TFIP11: variants seen among roughly 807,000 people sequenced by gnomAD.
TFIP11 encodes tuftelin-interacting protein 11.
Under a neutral mutation model 96.8 loss-of-function variants are expected in TFIP11, and 86 were observed. That is an observed-to-expected ratio of 0.89 (90% CI 0.75 to 1.06). The LOEUF is 1.06. TFIP11 is among the 50% of genes least tolerant of loss of function. The pLI is 0.00. For missense variants in TFIP11, 881 were observed against 1,076.7 expected (o/e 0.82, Z 2.54); for synonymous variants, 405 against 395.2 (o/e 1.02, Z -0.29).
intron 10 of TFIP11, 21 bp downstream of exon 10, chr22:26,498,848 G>A (rs1413516234): frequency 1.2e-6 from 2 of 1,602,422 alleles, no homozygotes; most frequent in African/African-American, 1.3e-5. Flanking sequence ...CTGGGGTACA[G>A]AGCCCTGCTC....
At chr22:26,497,601 G>A (rs1922219396) in intron 10 of TFIP11, among the ~76,000 whole-genome samples, 1 of 152,230 alleles carries the variant, frequency 6.6e-6, no homozygotes, top group African/African-American at 2.4e-5. Flanking sequence ...GTCATGGCTG[G>A]GCACGGAGGC....
chr22:26,492,334 A>G lies in TFIP11; in HGVS notation c.2193T>C (p.Ile731=). The change falls in exon 15 of 15, where the codon ATT becomes ATC. Residue 731 remains isoleucine, a synonymous_variant. Coordinates refer to ENST00000407690, the MANE Select transcript of TFIP11 (RefSeq NM_012143.4). ...TCCGCTCCGTGTGGGTGAGATAGGC[A>G]ATGTTCTCCCGTGCTCCTGGCTGCA... The part of the protein sequence containing the change: ...AYMQPGAREN[I]AYLTHTERRK... 1 of 1,614,166 alleles carries G rather than the reference A, an allele frequency of 6.2e-7. No homozygotes were observed. The highest frequency in any genetic ancestry group is 8.5e-7 in the Non-Finnish European group (1 of 1,180,024).
Position 26,492,138 on chromosome 22 carries a change from C to T in TFIP11, c.2389G>A (p.Glu797Lys), listed in dbSNP as rs781071325. The stretch of plus-strand genomic sequence containing the variant: ...CCAAAGGTGTAGAGCTGCTTCCCTT[C>T]GTGTCGCTTCCCAATGACGGGCATG... ...VFMPVIGKRHEGKQLYTFGRI... is the reference protein window; with the variant it reads ...VFMPVIGKRHKGKQLYTFGRI... The change falls in exon 15 of 15, where the codon GAA becomes AAA. Residue 797 changes from glutamate to lysine, a missense_variant. Coordinates refer to ENST00000407690, the MANE Select transcript of TFIP11 (RefSeq NM_012143.4). 94 of 1,614,040 alleles carry T rather than the reference C, an allele frequency of 5.8e-5. No individual in the cohort carries two copies. The highest frequency in any genetic ancestry group is 7.7e-5 in the Non-Finnish European group (91 of 1,180,032).
At chr22:26,499,949 G>A (rs928842174) in intron 8 of TFIP11, among the ~76,000 whole-genome samples, 5 of 152,146 alleles carry the variant, frequency 3.3e-5, no homozygotes, top group African/African-American at 4.8e-5. Context: ...TAATGGAAAG[G>A]TAGAAGCTGT....
At chr22:26,505,212 C>A (rs1334262205) in intron 6 of TFIP11, among the ~76,000 whole-genome samples, 1 of 152,070 alleles carries the variant, frequency 6.6e-6, no homozygotes, top group African/African-American at 2.4e-5. Flanking sequence ...TAGGAAGAAT[C>A]CAACTGTTTG....
At chr22:26,504,364 A>G (rs532404399) in intron 6 of TFIP11, among the ~76,000 whole-genome samples, 19 of 152,282 alleles carry the variant, frequency 1.2e-4, no homozygotes, top group African/African-American at 4.3e-4. Flanking sequence ...CCTGACTCCA[A>G]ATTTTCCATC....
rs1385491760 is a variant in TFIP11 at position 26,503,760 on chromosome 22, T to C, written c.554A>G (p.Lys185Arg). The C allele has an allele frequency of 6.2e-7, 1 of 1,613,750 alleles. No homozygotes were observed. Among genetic ancestry groups the C allele is most frequent in the African/African-American group, 1.3e-5 (1 of 74,828 alleles). Residue 185 changes from lysine to arginine, a missense_variant, in exon 7 of 15, where the codon AAG becomes AGG. By Grantham distance (26) the Lys-to-Arg change is conservative. Coordinates refer to ENST00000407690, the MANE Select transcript of TFIP11 (RefSeq NM_012143.4). ...ATAAGCCCCCACAGCACCTTTTCCC[T>C]TTCTCTGCTTGGCTTCAATTGGGTT... ...IINPIEAKQRKGKGAVGAYGS... is the reference protein window; with the variant it reads ...IINPIEAKQRRGKGAVGAYGS...
intron 12 of TFIP11, among the ~76,000 whole-genome samples, chr22:26,495,820 G>A (rs1170427509): frequency 6.6e-6 from 1 of 151,884 alleles, no homozygotes; most frequent in Non-Finnish European, 1.5e-5. Flanking sequence ...AACCAATCGG[G>A]AAAACCACAA....
rs1923420870 is a variant in TFIP11 at position 26,506,439 on chromosome 22, G to A, written c.384C>T (p.Ser128=). ...TGGTTCCTCCTGCAAAACCTTTCTG[G>A]CTGGGCTTAAAATTGCCACCCTGCA... ...KLKTGGNFKP[S]QKGFAGGTKS... is the part of the protein sequence containing the mutation. The change falls in exon 6 of 15, where the codon AGC becomes AGT. Residue 128 remains serine, a synonymous_variant. Transcript: ENST00000407690. 1 of 1,605,924 alleles carries A rather than the reference G, an allele frequency of 6.2e-7. No homozygotes were observed. The highest frequency in any genetic ancestry group is 1.1e-5 in the South Asian group (1 of 89,082).
Position 26,494,124 on chromosome 22 carries a change from GGAA to G in TFIP11, c.2158+12_2158+14del. 2 of 1,610,912 alleles carry G rather than the reference GGAA, an allele frequency of 1.2e-6. No homozygotes were observed. The highest frequency in any genetic ancestry group is 1.7e-5 in the Admixed American group (1 of 59,900). On this transcript the variant is annotated intron_variant, in intron 14 of 14. Coordinates refer to ENST00000407690, the MANE Select transcript of TFIP11 (RefSeq NM_012143.4). The stretch of plus-strand genomic sequence containing the variant: ...ACTTGGGGCCAGGACATCCAAAATG[GGAA>G]TCCTCACTTACCAACGTTGGAGGAC...
At chr22:26,508,253 A>G (rs1285230387) in intron 4 of TFIP11, among the ~76,000 whole-genome samples, 1 of 152,238 alleles carries the variant, frequency 6.6e-6, no homozygotes, top group African/African-American at 2.4e-5. Context: ...TTAGATCCCA[A>G]ACTCTAGAGT....
chr22:26,506,164 C>G, intron 6 of TFIP11, 139 bp downstream of exon 6: 1 of 842,842 alleles, frequency 1.2e-6, no homozygotes, highest in Admixed American at 3.1e-5. Flanking sequence ...AGCTTAGGAA[C>G]GCAAATGTCT....
chr22:26,510,279 T>G lies in TFIP11; in HGVS notation c.-7A>C, dbSNP rs1323412858. 5.0e-6 allele frequency: 8 copies of G among 1,613,956 alleles called. No homozygotes were observed. In the South Asian group the frequency reaches 8.8e-5, roughly 18 times the overall value. ...ATAAGTGGGACAATGACATGGCCAG[T>G]CACTAAAGGAAGAGACAAAAAGAGC... is the stretch of plus-strand genomic sequence containing the variant. On this transcript the variant is annotated splice_region_variant and 5_prime_UTR_variant, in exon 4 of 15. Transcript: ENST00000407690.
chr22:26,501,814 C>G, intron 8 of TFIP11, 86 bp downstream of exon 8: 3 of 695,456 alleles, frequency 4.3e-6, no homozygotes, highest in Non-Finnish European at 4.2e-6. Context: ...AAAAGCCTAG[C>G]TAAAAGATCC....
chr22:26,511,415 G>A (rs568731507), intron 2 of TFIP11: 1 of 152,230 alleles, frequency 6.6e-6, no homozygotes, highest in African/African-American at 2.4e-5. Flanking sequence ...CACCCACATA[G>A]TCACACCCAG....
At chr22:26,498,514 GC>G (rs1438311502) in intron 10 of TFIP11, among the ~76,000 whole-genome samples, 2 of 139,196 alleles carry the variant, frequency 1.4e-5, no homozygotes, top group Non-Finnish European at 3.0e-5. Context: ...CTGCACTCCA[GC>G]CTGGTGACAG....
At position 26,510,233 on chromosome 22, in the gene TFIP11, T is replaced by G. The variant is rs769842402; in HGVS notation, c.40A>C (p.Ile14Leu). Residue 14 changes from isoleucine (I) to leucine (L), a missense_variant, in exon 4 of 15, where the codon ATT becomes CTT. Ile to Leu is a conservative substitution (Grantham distance 5, BLOSUM62 2). Coordinates refer to ENST00000407690, the MANE Select transcript of TFIP11 (RefSeq NM_012143.4). ...SHLYRDGEGR[I>L]DDDDDERENF... ...TCCCGCTCGTCATCATCATCATCAA[T>G]GCGGCCTTCCCCATCCCGGTATAAG... 6.2e-7 allele frequency: 1 copy of G among 1,614,092 alleles called. No individual in the cohort carries two copies. Among genetic ancestry groups the G allele is most frequent in the Non-Finnish European group, 8.5e-7 (1 of 1,180,022 alleles).
intron 12 of TFIP11, among the ~76,000 whole-genome samples, chr22:26,495,255 C>A (rs1921782738): frequency 2.2e-5 from 3 of 135,844 alleles, no homozygotes; most frequent in East Asian, 2.2e-4. Context: ...AGTCACAACT[C>A]CTGGCTTTTT....
Position 26,492,232 on chromosome 22 carries a change from G to A in TFIP11, c.2295C>T (p.Ala765=), listed in dbSNP as rs754504467. Residue 765 remains alanine (A), a synonymous_variant, in exon 15 of 15, where the codon GCC becomes GCT. Coordinates refer to ENST00000407690, the MANE Select transcript of TFIP11 (RefSeq NM_012143.4). ...TAAAGTTCATGGGCACAGAGCTAGC[G>A]GCCACGCCAATGCCCCTCTGAGCCA... The part of the protein sequence containing the change: ...ENMAQRGIGV[A]ASSVPMNFKD... The A allele has an allele frequency of 1.6e-5, 26 of 1,614,180 alleles. No individual in the cohort carries two copies. The highest frequency in any genetic ancestry group is 1.6e-4 in the Middle Eastern group (1 of 6,062).
Sources: allele counts gnomAD v4.1 joint callset (sites outside exome capture counted in the v4.1 genomes callset), GRCh38; gene constraint gnomAD v4.1.1; transcripts MANE v1.5; gene names NCBI Gene and HGNC (gene_info 2026-07-23, HGNC 2026-07-21).